FLCN: variants seen among roughly 807,000 people sequenced by gnomAD.
FLCN encodes the protein BHD skin lesion fibrofolliculoma protein.
In FLCN, 22 loss-of-function variants were observed where a neutral mutation model predicts 62.5. The observed-to-expected ratio is 0.35, with a 90% CI of 0.25 to 0.50. The LOEUF (loss-of-function observed/expected upper bound fraction) is 0.50. Ranked by LOEUF, FLCN falls within the 20% of genes least tolerant of loss-of-function variation. The probability of loss-of-function intolerance (pLI) is 0.97; values close to 1 mark genes in which losing one functional copy is unlikely to be tolerated. For synonymous variants in FLCN, 319 were observed against 310.0 expected (o/e 1.03, Z -0.30); for missense variants, 657 against 778.0 (o/e 0.84, Z 1.85).
At chr17:17,218,954 G>A (rs1211456075) in intron 9 of FLCN, 65 bp downstream of exon 9, 2 of 1,577,430 alleles carry the variant, frequency 1.3e-6, no homozygotes, top group Admixed American at 1.7e-5. Flanking sequence ...AAGGCGTGTG[G>A]GCAGGGACAG....
At chr17:17,222,879 T>G in intron 6 of FLCN, 1 of 616,374 alleles carries the variant, frequency 1.6e-6, no homozygotes, top group South Asian at 1.7e-5. Flanking sequence ...AGAAATCGGT[T>G]GAGCTTCTCC....
In FLCN at chr17:17,216,360, C is replaced by G. The variant is rs2046918747; in HGVS notation, c.1300+20G>C. 1 of 1,612,846 alleles carries G rather than the reference C, an allele frequency of 6.2e-7. No homozygotes were observed. The highest frequency in any genetic ancestry group is 1.1e-5 in the South Asian group (1 of 90,994). ...AACCTCAGCGCAGGGCATGGCCCCA[C>G]AGCCCGCGGGGGCACGCACCTGAGG... On this transcript the variant is annotated intron_variant, in intron 11 of 13. Coordinates refer to ENST00000285071, the MANE Select transcript of FLCN (RefSeq NM_144997.7). This position sits in a 1 kb window ranked among gnomAD's most constrained non-coding sequence, Gnocchi z 4.0.
In FLCN at chr17:17,229,600, T is replaced by G. The variant is rs536668692; in HGVS notation, c.-24-1439A>C. 4.6e-5 allele frequency: 7 copies of G among 152,398 alleles called. No homozygotes were observed. In the East Asian group the frequency reaches 1.2e-3, roughly 25 times the overall value. The allele number at this position is 152,398 out of a possible 1,614,324, so 9.4% of individuals were successfully genotyped here. A position where few individuals can be genotyped will look rare whatever the true frequency, so the allele number is the denominator to read the frequency against. ...GAAGGTGGCGATGGCCGCACAGCAC[T>G]GTGAACATACTTCATGCCACGGCAC... On this transcript the variant is annotated intron_variant, in intron 3 of 13. Transcript: ENST00000285071.
At position 17,228,140 on chromosome 17, in the gene FLCN, T is replaced by C; in HGVS notation, c.-3A>G. On this transcript the variant is annotated 5_prime_UTR_variant, in exon 4 of 14. Transcript: ENST00000285071. ...CAGAGAGCCACGATGGCATTCATGG[T>C]GCCTTGGAGACTGCAACAGGCCTGC... is the stretch of plus-strand genomic sequence containing the variant. 1 of 1,612,430 alleles carries C rather than the reference T, an allele frequency of 6.2e-7. No individual in the cohort carries two copies. The highest frequency in any genetic ancestry group is 8.5e-7 in the Non-Finnish European group (1 of 1,179,926).
intron 4 of FLCN, among the ~76,000 whole-genome samples, chr17:17,226,778 C>G (rs938201482): frequency 5.3e-5 from 8 of 152,186 alleles, no homozygotes; most frequent in Non-Finnish European, 7.3e-5. Context: ...GGGGCTTCAG[C>G]CACAGGCGAG....
chr17:17,229,972 C>T (rs1389985062), intron 3 of FLCN, among the ~76,000 whole-genome samples: 3 of 152,158 alleles, frequency 2.0e-5, no homozygotes, highest in East Asian at 1.9e-4. Context: ...GGGATGGCCG[C>T]GGCAGCATGA....
Position 17,213,162 on chromosome 17 carries a change from A to C in FLCN, c.*493T>G, listed in dbSNP as rs2046802807. ...TTGCGGAGCCCTAACTCAATCACTC[A>C]GTGACCAAGAGCTGGCAATGTACTG... On this transcript the variant is annotated 3_prime_UTR_variant, in exon 14 of 14. Coordinates refer to ENST00000285071, the MANE Select transcript of FLCN (RefSeq NM_144997.7). 1 of 329,954 alleles carries C rather than the reference A, an allele frequency of 3.0e-6. No individual in the cohort carries two copies. The highest frequency in any genetic ancestry group is 5.7e-6 in the Non-Finnish European group (1 of 175,604). The allele number at this position is 329,954 out of a possible 1,614,324, so 20.4% of individuals were successfully genotyped here.
chr17:17,215,174 G>A lies in FLCN; in HGVS notation c.1432+11C>T. On this transcript the variant is annotated intron_variant, in intron 12 of 13. Coordinates refer to ENST00000285071, the MANE Select transcript of FLCN (RefSeq NM_144997.7). ...TCTCACAAAAAGGACACTCTGCCTGGGGGCACCCACCTCGGTCTGCAGCTA... is the reference window on the plus strand; with the variant it reads ...TCTCACAAAAAGGACACTCTGCCTGAGGGCACCCACCTCGGTCTGCAGCTA... 6.2e-7 allele frequency: 1 copy of A among 1,614,084 alleles called. No homozygotes were observed.
At chr17:17,221,847 A>C (rs991770842) in intron 7 of FLCN, among the ~76,000 whole-genome samples, 1 of 152,136 alleles carries the variant, frequency 6.6e-6, no homozygotes, top group African/African-American at 2.4e-5. Context: ...AGGGGATGCA[A>C]GGGGGAGCTG....
chr17:17,236,544 A>G (rs957542103), intron 1 of FLCN, among the ~76,000 whole-genome samples: 1 of 152,166 alleles, frequency 6.6e-6, no homozygotes, highest in Non-Finnish European at 1.5e-5. Context: ...AGTACTCTCA[A>G]CTGGAGAGAA....
intron 7 of FLCN, among the ~76,000 whole-genome samples, chr17:17,222,031 A>G (rs1258605038): frequency 8.5e-6 from 1 of 117,158 alleles, no homozygotes; most frequent in African/African-American, 2.9e-5. Context: ...TACGACTCAG[A>G]TTTGCTTTAA....
chr17:17,221,254 C>T (rs2047075584), intron 8 of FLCN: 2 of 1,542,040 alleles, frequency 1.3e-6, no homozygotes, highest in Non-Finnish European at 8.7e-7. Flanking sequence ...GGACGAGAAG[C>T]CTTTAATCAG....
chr17:17,217,361 A>G (rs1167603016), intron 9 of FLCN, 179 bp from the exon 10 acceptor site: 9 of 641,990 alleles, frequency 1.4e-5, no homozygotes, highest in Non-Finnish European at 2.5e-5. Context: ...GCAGAGAGAG[A>G]AGTTCCAGGT....
rs749287616 is a variant in FLCN, at chr17:17,221,642, C to G, written c.780-14G>C. The G allele has an allele frequency of 3.1e-6, 5 of 1,605,340 alleles. No individual in the cohort carries two copies. The African/African-American group carries it at 6.7e-5, about 21-fold the overall frequency. Reference sequence around the variant, plus strand: ...GCCTTCAGGAGCCTGGAGAACACAGCACCAGCTATGAGCGTTCTCGCCAAA... The same window carrying G: ...GCCTTCAGGAGCCTGGAGAACACAGGACCAGCTATGAGCGTTCTCGCCAAA... On this transcript the variant is annotated splice_polypyrimidine_tract_variant and intron_variant, in intron 7 of 13. Coordinates refer to ENST00000285071, the MANE Select transcript of FLCN (RefSeq NM_144997.7).
intron 13 of FLCN, among the ~76,000 whole-genome samples, chr17:17,214,411 T>C (rs773880671): frequency 4.0e-5 from 6 of 151,038 alleles, no homozygotes; most frequent in East Asian, 2.1e-4. Flanking sequence ...CTGGCCAACA[T>C]GCTAAAACCC....
At chr17:17,226,394 A>T (rs2047251608) in intron 4 of FLCN, 72 bp from the exon 5 acceptor site, 4 of 1,582,324 alleles carry the variant, frequency 2.5e-6, no homozygotes, top group Non-Finnish European at 3.5e-6. Context: ...GTTTATGCAA[A>T]TCTGAGCTCG....
At chr17:17,214,517 C>T (rs2046849429) in intron 13 of FLCN, among the ~76,000 whole-genome samples, 1 of 152,016 alleles carries the variant, frequency 6.6e-6, no homozygotes, top group Admixed American at 6.6e-5. Flanking sequence ...TCGCTTGAAC[C>T]CGGGAGGCGG....
chr17:17,232,377 T>G (rs943193628), intron 2 of FLCN, among the ~76,000 whole-genome samples: 21 of 152,168 alleles, frequency 1.4e-4, no homozygotes, highest in African/African-American at 5.1e-4. Flanking sequence ...ATTCACGTGT[T>G]AGATAAATGA....
chr17:17,234,452 T>C (rs2047522759), intron 1 of FLCN, among the ~76,000 whole-genome samples: 1 of 151,064 alleles, frequency 6.6e-6, no homozygotes, highest in Admixed American at 6.6e-5. Context: ...CCTCAGGTGA[T>C]TCTCCCGCCT....
Sources: allele counts gnomAD v4.1 joint callset (sites outside exome capture counted in the v4.1 genomes callset), GRCh38; gene constraint gnomAD v4.1.1; non-coding constraint Gnocchi (gnomAD v3.1); transcripts MANE v1.5; gene names NCBI Gene and HGNC (gene_info 2026-07-23, HGNC 2026-07-21).